The following ZNF469 variants were observed in gnomAD, a reference collection of about 807,000 sequenced individuals.
ZNF469 encodes the protein zinc finger protein 469.
ZNF469 carries 1 observed loss-of-function variant against 1.0 expected under a neutral mutation model. That is an observed-to-expected ratio of 1.00 (90% CI 0.35 to 4.73). The LOEUF (loss-of-function observed/expected upper bound fraction) is 4.73, where lower values mean the gene tolerates loss of function less well. Ranked by LOEUF, ZNF469 falls within the 30% of genes most tolerant of loss-of-function variation. ZNF469 has a pLI of 0.16. For synonymous variants in ZNF469, 2,703 were observed against 2,363.4 expected (o/e 1.14, Z -4.17); for missense variants, 6,100 against 5,356.3 (o/e 1.14, Z -4.33).
the ZNF469 span, among the ~76,000 whole-genome samples, chr16:88,139,234 G>A: frequency 2.4e-4 from 36 of 152,344 alleles, no homozygotes; most frequent in Middle Eastern, 3.4e-3. Flanking sequence ...AAGGAACTGC[G>A]CATGCTGTGA....
chr16:88,351,426 A>G, the ZNF469 span, among the ~76,000 whole-genome samples: 1 of 152,122 alleles, frequency 6.6e-6, no homozygotes, highest in Admixed American at 6.5e-5. Flanking sequence ...GACCTTACTC[A>G]GCCCCACAGG....
chr16:88,146,910 C>T, the ZNF469 span, among the ~76,000 whole-genome samples: 1 of 151,946 alleles, frequency 6.6e-6, no homozygotes, highest in African/African-American at 2.4e-5. Context: ...GTGGGGCTTC[C>T]AGCACGGTAC....
At position 88,430,551 on chromosome 16, in the gene ZNF469, C is replaced by G. The variant is rs1313137455; in HGVS notation, c.3081C>G (p.Arg1027=). 5 of 1,471,010 alleles carry G rather than the reference C, an allele frequency of 3.4e-6. No homozygotes were observed. The highest frequency in any genetic ancestry group is 4.5e-6 in the Non-Finnish European group (5 of 1,118,258). 91.1% of individuals were successfully genotyped at this position (1,471,010 alleles called of 1,614,324 possible). Residue 1027 remains arginine, a synonymous_variant, in exon 3 of 3, where the codon CGC becomes CGG. Coordinates refer to ENST00000565624, the MANE Select transcript of ZNF469 (RefSeq NM_001367624.2). ...ALPEETRSSR[R]RRLPPRKDPR... is the part of the protein sequence containing the mutation. Reference sequence around the variant, plus strand: ...CCGAGGAGACCCGCAGCTCCCGGCGCCGCCGGCTGCCCCCCAGGAAGGACC... The same window carrying G: ...CCGAGGAGACCCGCAGCTCCCGGCGGCGCCGGCTGCCCCCCAGGAAGGACC...
At chr16:88,302,371 A>G in the ZNF469 span, 58 of 152,242 alleles carry the variant, frequency 3.8e-4, no homozygotes, top group African/African-American at 1.3e-3. Context: ...CTTTTTTAAG[A>G]GTGGATATAT....
At chr16:88,323,101 A>T in the ZNF469 span, among the ~76,000 whole-genome samples, 3 of 151,736 alleles carry the variant, frequency 2.0e-5, no homozygotes, top group Admixed American at 2.0e-4. Context: ...AAGTGGGGGC[A>T]GTGATCCCAC....
chr16:88,425,384 C>A lies in ZNF469; in HGVS notation c.-127+513C>A, dbSNP rs568758754. On this transcript the variant is annotated intron_variant, in intron 2 of 2. Transcript: ENST00000565624. ...GGGGCCTGGCTGTTGCTGTTCCTAC[C>A]CCCAACCCTGCAGCCTGGCCCCAGT... is the stretch of plus-strand genomic sequence containing the variant. Among the ~76,000 whole-genome samples, 28 of 152,298 alleles carry A rather than the reference C, an allele frequency of 1.8e-4. No homozygotes were observed. In the East Asian group the frequency reaches 2.7e-3, roughly 15 times the overall value.
the ZNF469 span, among the ~76,000 whole-genome samples, chr16:88,310,041 T>C: frequency 4.6e-5 from 7 of 151,994 alleles, no homozygotes; most frequent in Non-Finnish European, 8.8e-5. Context: ...GGTGTGCAAT[T>C]CCTGTGCACT....
chr16:88,110,827 C>T, the ZNF469 span, among the ~76,000 whole-genome samples: 8 of 152,234 alleles, frequency 5.3e-5, no homozygotes, highest in Non-Finnish European at 1.0e-4. Context: ...GGGCCCAGGG[C>T]AGCAGGTGCA....
chr16:88,405,578 T>C (rs1905005554), intron 1 of ZNF469, among the ~76,000 whole-genome samples: 1 of 151,650 alleles, frequency 6.6e-6, no homozygotes, highest in Admixed American at 6.6e-5. Context: ...GGCTGGGGAG[T>C]GAGTGGACAC....
intron 1 of ZNF469, among the ~76,000 whole-genome samples, chr16:88,403,353 G>A (rs955673545): frequency 2.0e-5 from 3 of 152,250 alleles, no homozygotes; most frequent in Non-Finnish European, 2.9e-5. Context: ...CGTGGGTTTG[G>A]TGGCTCTGGG....
chr16:88,117,642 A>C, the ZNF469 span, among the ~76,000 whole-genome samples: 1,235 of 39,148 alleles, frequency 0.032, 17 homozygotes, highest in African/African-American at 0.14. Context: ...ACCGTGGGAA[A>C]GTGCCACGTG....
In ZNF469 at chr16:88,436,043, C is replaced by G. The variant is rs975435621; in HGVS notation, c.8573C>G (p.Ser2858Cys). 2 of 1,550,212 alleles carry G rather than the reference C, an allele frequency of 1.3e-6. No individual in the cohort carries two copies. The highest frequency in any genetic ancestry group is 2.7e-5 in the African/African-American group (2 of 73,074). Residue 2858 changes from serine (S) to cysteine (C), a missense_variant, in exon 3 of 3, where the codon TCT becomes TGT. Physicochemically the swap from Ser to Cys is moderately radical, Grantham distance 112. Coordinates refer to ENST00000565624, the MANE Select transcript of ZNF469 (RefSeq NM_001367624.2). ...DPPSLFDDEV[S>C]FSQLFPPGGR... Reference sequence around the variant, plus strand: ...CCAAGCTTGTTTGATGATGAGGTCTCTTTCTCCCAGCTCTTCCCTCCAGGC... The same window carrying G: ...CCAAGCTTGTTTGATGATGAGGTCTGTTTCTCCCAGCTCTTCCCTCCAGGC...
the ZNF469 span, among the ~76,000 whole-genome samples, chr16:88,322,516 C>A: frequency 3.9e-5 from 6 of 152,320 alleles, no homozygotes; most frequent in South Asian, 1.2e-3. Flanking sequence ...CTGATCAAAC[C>A]GTATCTCATG....
the ZNF469 span, among the ~76,000 whole-genome samples, chr16:88,289,261 A>G: frequency 8.9e-6 from 1 of 112,762 alleles, no homozygotes; most frequent in Non-Finnish European, 1.7e-5. Flanking sequence ...GGCAACAGTG[A>G]TGGTGATGAT....
At chr16:88,383,751 G>C (rs1044663499) in intron 1 of ZNF469, among the ~76,000 whole-genome samples, 5 of 151,932 alleles carry the variant, frequency 3.3e-5, no homozygotes, top group Non-Finnish European at 1.5e-5. Context: ...CGCTCCGAGC[G>C]CGGCATAGGC....
chr16:88,240,447 C>G, the ZNF469 span, among the ~76,000 whole-genome samples: 1 of 152,194 alleles, frequency 6.6e-6, no homozygotes, highest in African/African-American at 2.4e-5. Context: ...GGAGGCTGGC[C>G]TTTCTGTATG....
the ZNF469 span, among the ~76,000 whole-genome samples, chr16:88,139,576 T>C: frequency 6.6e-6 from 1 of 151,248 alleles, no homozygotes; most frequent in South Asian, 2.1e-4. Context: ...AAAACCTTTT[T>C]GTCCCCTGGC....
intron 1 of ZNF469, among the ~76,000 whole-genome samples, chr16:88,393,214 C>T (rs1184635703): frequency 2.0e-5 from 3 of 152,268 alleles, no homozygotes; most frequent in Non-Finnish European, 4.4e-5. Context: ...GCCCTCCCAG[C>T]GGAAGAAAAG....
Position 88,431,299 on chromosome 16 carries a change from AC to A in ZNF469, c.3834del (p.Lys1279SerfsTer276). On this transcript the variant is annotated frameshift_variant, in exon 3 of 3. Coordinates refer to ENST00000565624, the MANE Select transcript of ZNF469 (RefSeq NM_001367624.2). LOFTEE classifies it low-confidence loss of function (END_TRUNC). ...QPPPSRHDTG[T>X]PKPSGSLANT... ...GCCGCCCAGCAGACATGACACCGGC[AC>A]CCCCAAGCCGTCGGGAAGCCTCGCC... The A allele has an allele frequency of 1.3e-6, 2 of 1,549,962 alleles. No homozygotes were observed. The highest frequency in any genetic ancestry group is 1.7e-6 in the Non-Finnish European group (2 of 1,146,838).
Sources: allele counts gnomAD v4.1 joint callset (sites outside exome capture counted in the v4.1 genomes callset), GRCh38; gene constraint gnomAD v4.1.1; transcripts MANE v1.5; gene names NCBI Gene and HGNC (gene_info 2026-07-23, HGNC 2026-07-21).